Variants in NAALADL2 observed in about 807,000 individuals in gnomAD.
The protein encoded by NAALADL2 is inactive N-acetylated-alpha-linked acidic dipeptidase-like protein 2.
A neutral mutation model predicts 87.2 loss-of-function variants in NAALADL2; 76 were observed. The observed-to-expected ratio is 0.87, with a 90% CI of 0.72 to 1.05. The LOEUF (loss-of-function observed/expected upper bound fraction) is 1.05. NAALADL2 is among the 50% of genes least tolerant of loss of function. The pLI, the probability that NAALADL2 is intolerant of heterozygous loss-of-function variation, is 0.00. For synonymous variants in NAALADL2, 354 were observed against 331.0 expected (o/e 1.07, Z -0.75); for missense variants, 1,089 against 945.8 (o/e 1.15, Z -1.99).
chr3:175,380,398 G>C (rs1320645435), intron 5 of NAALADL2, among the ~76,000 whole-genome samples: 1 of 151,894 alleles, frequency 6.6e-6, no homozygotes, highest in African/African-American at 2.4e-5. Context: ...CATTTCTCCA[G>C]CTTGACACTT....
intron 3 of NAALADL2, among the ~76,000 whole-genome samples, chr3:174,841,573 T>C (rs1186174917): frequency 6.6e-6 from 1 of 152,222 alleles, no homozygotes; most frequent in African/African-American, 2.4e-5. Flanking sequence ...TAGGTTCTAC[T>C]TGCAAATGTT....
intron 1 of NAALADL2, among the ~76,000 whole-genome samples, chr3:174,948,059 T>G (rs552624246): frequency 6.6e-6 from 1 of 152,256 alleles, no homozygotes; most frequent in African/African-American, 2.4e-5. Context: ...TTTTTGCCAG[T>G]TAAACCCGTA....
At chr3:175,705,629 A>AT (rs1279846872) in intron 11 of NAALADL2, among the ~76,000 whole-genome samples, 1 of 152,004 alleles carries the variant, frequency 6.6e-6, no homozygotes, top group Non-Finnish European at 1.5e-5. Flanking sequence ...TTTTATAGGT[A>AT]TTTTGTATAC....
intron 9 of NAALADL2, among the ~76,000 whole-genome samples, chr3:175,509,431 C>G (rs1730825010): frequency 6.6e-6 from 1 of 152,160 alleles, no homozygotes; most frequent in Non-Finnish European, 1.5e-5. Flanking sequence ...ATATGTAGCT[C>G]ATTGTACACA....
chr3:174,546,776 G>C (rs1578138967), intron 1 of NAALADL2, among the ~76,000 whole-genome samples: 1 of 152,122 alleles, frequency 6.6e-6, no homozygotes, highest in Non-Finnish European at 1.5e-5. Flanking sequence ...TCCCGCCTCA[G>C]CCTCTGGAGT....
chr3:174,792,873 C>T (rs1394315517), intron 3 of NAALADL2, among the ~76,000 whole-genome samples: 1 of 152,068 alleles, frequency 6.6e-6, no homozygotes, highest in Non-Finnish European at 1.5e-5. Flanking sequence ...TAAAATAAGT[C>T]CCCTCTGTCT....
intron 13 of NAALADL2, among the ~76,000 whole-genome samples, chr3:175,776,724 A>AT (rs1011613140): frequency 4.6e-5 from 7 of 152,042 alleles, no homozygotes; most frequent in South Asian, 2.1e-4. Flanking sequence ...TCAATTCATG[A>AT]TTTTTTTCCC....
chr3:175,014,372 A>G (rs928843528), intron 1 of NAALADL2, among the ~76,000 whole-genome samples: 3 of 152,048 alleles, frequency 2.0e-5, no homozygotes, highest in Admixed American at 1.3e-4. Flanking sequence ...CCCTATTCTT[A>G]ATCATTTTTA....
chr3:174,520,977 C>A (rs941218117), intron 1 of NAALADL2, among the ~76,000 whole-genome samples: 1 of 152,018 alleles, frequency 6.6e-6, no homozygotes, highest in Non-Finnish European at 1.5e-5. Context: ...TCATCTCACA[C>A]CATTTAGAAT....
chr3:175,481,515 C>T (rs541458592), intron 9 of NAALADL2, among the ~76,000 whole-genome samples: 3 of 151,650 alleles, frequency 2.0e-5, no homozygotes, highest in South Asian at 2.1e-4. Context: ...TGTAAAATGG[C>T]GCCATCCCTT....
intron 1 of NAALADL2, among the ~76,000 whole-genome samples, chr3:174,519,494 G>C (rs1720136880): frequency 6.6e-6 from 1 of 151,762 alleles, no homozygotes; most frequent in Admixed American, 6.6e-5. Context: ...ACCACACCCA[G>C]CTAATTTTGT....
chr3:174,844,022 T>G lies in NAALADL2; in HGVS notation c.-9+106276T>G, dbSNP rs529667690. On this transcript the variant is annotated intron_variant, in intron 3 of 3. Transcript: ENST00000434257. ...GCTATGCAAAAGCTTTTCAGTTTGA[T>G]GAAATTCAATTTGCCTATTTTTGAG... 1.8e-4 allele frequency among the ~76,000 whole-genome samples: 27 copies of G among 152,336 alleles called. No individual in the cohort carries two copies. In the South Asian group the frequency reaches 5.6e-3, roughly 32 times the overall value.
At chr3:175,085,599 T>A (rs1433469420) in intron 1 of NAALADL2, among the ~76,000 whole-genome samples, 1 of 152,156 alleles carries the variant, frequency 6.6e-6, no homozygotes, top group Non-Finnish European at 1.5e-5. Context: ...AGACAACGGA[T>A]ACATTTTGGT....
At chr3:174,883,188 A>AGG (rs1230768535) in intron 1 of NAALADL2, among the ~76,000 whole-genome samples, 42 of 151,712 alleles carry the variant, frequency 2.8e-4, no homozygotes, top group African/African-American at 8.8e-4. Context: ...TACCCAGATT[A>AGG]AGGGGGGGTC....
chr3:174,832,598 A>G (rs534126506), intron 3 of NAALADL2, among the ~76,000 whole-genome samples: 1 of 152,170 alleles, frequency 6.6e-6, no homozygotes, highest in South Asian at 2.1e-4. Context: ...AGTAGCTGAG[A>G]CTACAGGTGG....
chr3:175,519,314 A>T (rs1389847320), intron 9 of NAALADL2, among the ~76,000 whole-genome samples: 1 of 152,198 alleles, frequency 6.6e-6, no homozygotes, highest in Non-Finnish European at 1.5e-5. Flanking sequence ...TCTAGTTGCT[A>T]TGGCTAGACT....
At chr3:175,117,938 A>C (rs1725524078) in intron 2 of NAALADL2, among the ~76,000 whole-genome samples, 1 of 152,066 alleles carries the variant, frequency 6.6e-6, no homozygotes, top group Non-Finnish European at 1.5e-5. Flanking sequence ...TGCAGCCATA[A>C]AAAATGATGA....
At chr3:175,693,571 G>A (rs1458429296) in intron 11 of NAALADL2, among the ~76,000 whole-genome samples, 1 of 152,128 alleles carries the variant, frequency 6.6e-6, no homozygotes, top group Non-Finnish European at 1.5e-5. Context: ...AGCTAGGGAA[G>A]AGACTGACAA....
intron 3 of NAALADL2, among the ~76,000 whole-genome samples, chr3:174,822,163 C>CACAA (rs1487714800): frequency 8.1e-6 from 1 of 123,404 alleles, no homozygotes; most frequent in African/African-American, 3.1e-5. Flanking sequence ...GACACAAACA[C>CACAA]ACACACAGGG....
Sources: allele counts gnomAD v4.1 joint callset (sites outside exome capture counted in the v4.1 genomes callset), GRCh38; gene constraint gnomAD v4.1.1; transcripts MANE v1.5; gene names NCBI Gene and HGNC (gene_info 2026-07-23, HGNC 2026-07-21).